HDAC9: variants seen among roughly 807,000 people sequenced by gnomAD.
HDAC9 encodes histone deacetylase 9.
In HDAC9, 41 loss-of-function variants were observed where a neutral mutation model predicts 139.4. That is an observed-to-expected ratio of 0.29 (90% CI 0.23 to 0.38). The LOEUF (loss-of-function observed/expected upper bound fraction) is 0.38. Among genes scored for constraint, HDAC9 ranks in the 10% least tolerant of loss-of-function variants. The pLI is 1.00. For synonymous variants in HDAC9, 517 were observed against 476.2 expected, an observed-to-expected ratio of 1.09 and a Z score of -1.12; for missense variants, 1,147 against 1,297.0, an observed-to-expected ratio of 0.88 and a Z score of 1.78.
rs1183155701 is a variant in HDAC9, at chr7:18,732,949, GTGTA to G, written c.1909+5196_1909+5199del. Reference sequence around the variant, plus strand: ...CGTGTGTATGTATGTGTATACACACGTGTATGTGTGTGTATGTGTATATACACAT... The same window carrying G: ...CGTGTGTATGTATGTGTATACACACGTGTGTGTGTATGTGTATATACACAT... On this transcript the variant is annotated intron_variant, in intron 13 of 25. Coordinates refer to ENST00000686413, the MANE Select transcript of HDAC9 (RefSeq NM_178425.4). Among the ~76,000 whole-genome samples, 53 of 100,222 alleles carry G rather than the reference GTGTA, an allele frequency of 5.3e-4. 2 individuals carry two copies. Among genetic ancestry groups the G allele is most frequent in the African/African-American group, 1.7e-3 (27 of 16,136 alleles). The allele number at this position is 100,222 out of a possible 152,430, so 65.7% of individuals were successfully genotyped here.
In HDAC9 at chr7:18,590,387, G is replaced by C; in HGVS notation, c.316G>C (p.Glu106Gln). 1 of 1,611,596 alleles carries C rather than the reference G, an allele frequency of 6.2e-7. No individual in the cohort carries two copies. The highest frequency in any genetic ancestry group is 8.5e-7 in the Non-Finnish European group (1 of 1,178,810). The change falls in exon 4 of 26, where the codon GAG becomes CAG. Residue 106 changes from glutamate to glutamine, a missense_variant. This residue lies in a region of HDAC9 where 136 missense variants were observed against 183.5 expected (regional missense o/e 0.74). Transcript: ENST00000686413. ...ACAGCAACAAGAACTCCTAGAAAAG[G>C]AGCAGAAACTGGAGCAGCAGAGGCA... ...IKQQQELLEK[E>Q]QKLEQQRQEQ...
chr7:18,461,682 A>G (rs1179746913), intron 1 of HDAC9, among the ~76,000 whole-genome samples: 1 of 152,154 alleles, frequency 6.6e-6, no homozygotes, highest in Non-Finnish European at 1.5e-5. Flanking sequence ...CACTTTTGTC[A>G]TTGCCTACCT....
At chr7:18,415,382 G>A (rs1322507556) in intron 1 of HDAC9, among the ~76,000 whole-genome samples, 2 of 152,194 alleles carry the variant, frequency 1.3e-5, no homozygotes, top group African/African-American at 4.8e-5. Context: ...CCTCTCAGCT[G>A]TACCTCTTCC....
intron 22 of HDAC9, among the ~76,000 whole-genome samples, chr7:18,925,151 C>T (rs1804102614): frequency 6.6e-6 from 1 of 152,110 alleles, no homozygotes; most frequent in Non-Finnish European, 1.5e-5. Flanking sequence ...TTTTCAGGCA[C>T]AACTGGCACT....
At chr7:18,681,977 A>G (rs534691251) in intron 12 of HDAC9, among the ~76,000 whole-genome samples, 1 of 152,170 alleles carries the variant, frequency 6.6e-6, no homozygotes, top group South Asian at 2.1e-4. Context: ...TTTCATTTTG[A>G]TAAACTTTGC....
chr7:18,505,410 A>T (rs558318835), intron 2 of HDAC9, among the ~76,000 whole-genome samples: 3 of 152,312 alleles, frequency 2.0e-5, no homozygotes, highest in Admixed American at 2.0e-4. Flanking sequence ...TCACCACTCA[A>T]ATCCTAATTT....
At chr7:18,418,029 A>G (rs1467338242) in intron 1 of HDAC9, among the ~76,000 whole-genome samples, 3 of 152,038 alleles carry the variant, frequency 2.0e-5, no homozygotes, top group African/African-American at 7.2e-5. Context: ...ATCATATAGA[A>G]ATGCTCTCTT....
chr7:18,662,378 T>C (rs1033927806), intron 11 of HDAC9, among the ~76,000 whole-genome samples: 19 of 151,746 alleles, frequency 1.3e-4, no homozygotes, highest in Admixed American at 2.0e-4. Flanking sequence ...CTCAAGAAAT[T>C]TTATTGTGAA....
intron 19 of HDAC9, among the ~76,000 whole-genome samples, chr7:18,834,906 C>T (rs150499111): frequency 1.9e-3 from 285 of 152,302 alleles, no homozygotes; most frequent in African/African-American, 6.5e-3. Flanking sequence ...TCAATGCATA[C>T]ACGTATGTTT....
intron 11 of HDAC9, among the ~76,000 whole-genome samples, chr7:18,664,300 A>G (rs1794146121): frequency 6.6e-6 from 1 of 152,150 alleles, no homozygotes; most frequent in Non-Finnish European, 1.5e-5. Flanking sequence ...GGTAGGCACA[A>G]AGGAAATTCA....
At chr7:18,346,364 A>G (rs1453730190) in intron 1 of HDAC9, among the ~76,000 whole-genome samples, 1 of 152,156 alleles carries the variant, frequency 6.6e-6, no homozygotes, top group Non-Finnish European at 1.5e-5. Context: ...CTTTATGACT[A>G]TTTTTATGAG....
In HDAC9 at chr7:18,330,343, C is replaced by T. The variant is rs550809626; in HGVS notation, c.-42+39828C>T. 1.5e-4 allele frequency among the ~76,000 whole-genome samples: 22 copies of T among 151,522 alleles called. No individual in the cohort carries two copies. In the East Asian group the frequency reaches 1.6e-3, roughly 11 times the overall value. ...AACTTGTTAGTTCACATTTAGTTTT[C>T]ACTAAATGGATTATATTTTTCTCCT... is the stretch of plus-strand genomic sequence containing the variant. On this transcript the variant is annotated intron_variant, in intron 1 of 3. Coordinates refer to the HDAC9 transcript ENST00000413509.
At position 18,220,693 on chromosome 7, in the gene HDAC9, C is replaced by G. The variant is rs140143554; in HGVS notation, c.25+58344C>G. Among the ~76,000 whole-genome samples the G allele has an allele frequency of 1.7e-3, 260 of 152,230 alleles. 2 individuals are homozygous for G. Among genetic ancestry groups the G allele is most frequent in the African/African-American group, 5.1e-3 (213 of 41,530 alleles). The stretch of plus-strand genomic sequence containing the variant: ...AATGGTCTGATCAGAATACTGAGAA[C>G]CTTAATTGTCAGGCAAAAGAGATGA... On this transcript the variant is annotated intron_variant, in intron 2 of 12. Transcript: ENST00000417496.
chr7:18,560,571 C>T (rs1379223389), intron 2 of HDAC9, among the ~76,000 whole-genome samples: 1 of 152,144 alleles, frequency 6.6e-6, no homozygotes, highest in African/African-American at 2.4e-5. Context: ...TGACATAGCA[C>T]TTCTTCACTA....
At chr7:18,356,357 G>GGTTTTTT (rs1783274841) in intron 1 of HDAC9, among the ~76,000 whole-genome samples, 1 of 27,326 alleles carries the variant, frequency 3.7e-5, no homozygotes, top group African/African-American at 1.1e-4. Context: ...GCAGCACATA[G>GGTTTTTT]GTTTTTTTTT....
At chr7:18,308,551 T>C (rs772287478) in intron 1 of HDAC9, among the ~76,000 whole-genome samples, 1 of 152,162 alleles carries the variant, frequency 6.6e-6, no homozygotes, top group Non-Finnish European at 1.5e-5. Context: ...AGTTTTGGTG[T>C]ACTCAGTAGG....
chr7:18,677,535 T>A (rs965819555), intron 12 of HDAC9, among the ~76,000 whole-genome samples: 1 of 151,934 alleles, frequency 6.6e-6, no homozygotes, highest in Non-Finnish European at 1.5e-5. Flanking sequence ...AGTATAGGTT[T>A]AACTTTATAG....
chr7:18,598,576 A>G (rs1475482094), intron 6 of HDAC9, among the ~76,000 whole-genome samples: 1 of 152,194 alleles, frequency 6.6e-6, no homozygotes, highest in African/African-American at 2.4e-5. Context: ...TATTTTTAGA[A>G]TTCAATTAAA....
intron 1 of HDAC9, among the ~76,000 whole-genome samples, chr7:18,383,178 C>T (rs1344423113): frequency 1.3e-5 from 2 of 152,160 alleles, no homozygotes; most frequent in African/African-American, 4.8e-5. Flanking sequence ...AGTCACCCAG[C>T]CTACAAGATA....
Sources: allele counts gnomAD v4.1 joint callset (sites outside exome capture counted in the v4.1 genomes callset), GRCh38; gene constraint gnomAD v4.1.1; regional missense constraint gnomAD v4.1.1; transcripts MANE v1.5; gene names NCBI Gene and HGNC (gene_info 2026-07-23, HGNC 2026-07-21).